The following CNTNAP3B variants were observed in gnomAD, a reference collection of about 807,000 sequenced individuals.
The protein encoded by CNTNAP3B is contactin-associated protein-like 3B.
Under a neutral mutation model 108.9 loss-of-function variants are expected in CNTNAP3B, and 25 were observed. That is an observed-to-expected ratio of 0.23 (90% CI 0.17 to 0.32). The LOEUF (loss-of-function observed/expected upper bound fraction) is 0.32. Among genes scored for constraint, CNTNAP3B ranks in the 10% least tolerant of loss-of-function variants. The probability of loss-of-function intolerance (pLI) is 1.00; values close to 1 mark genes in which losing one functional copy is unlikely to be tolerated. For synonymous variants in CNTNAP3B, 103 were observed against 473.4 expected (o/e 0.22, Z 10.16); for missense variants, 252 against 1,210.4 (o/e 0.21, Z 11.75).
chr9:42,071,612 C>T (rs1339006611), intron 3 of CNTNAP3B, among the ~76,000 whole-genome samples: 1 of 138,568 alleles, frequency 7.2e-6, no homozygotes, highest in Non-Finnish European at 1.5e-5. Flanking sequence ...AAATTGGAAG[C>T]CAGTTGCAAA....
At chr9:41,923,607 CA>C (rs1823726941) in intron 16 of CNTNAP3B, among the ~76,000 whole-genome samples, 1 of 152,288 alleles carries the variant, frequency 6.6e-6, no homozygotes, top group Admixed American at 6.5e-5. Context: ...ACCAAAAATA[CA>C]AAAATTAGCT....
chr9:41,962,809 G>T (rs1235755033), intron 11 of CNTNAP3B, among the ~76,000 whole-genome samples: 1 of 152,164 alleles, frequency 6.6e-6, no homozygotes, highest in East Asian at 1.9e-4. Context: ...CAAAAAATTA[G>T]CCAGGCGTGG....
intron 13 of CNTNAP3B, among the ~76,000 whole-genome samples, chr9:41,942,882 T>C (rs1044704767): frequency 1.3e-5 from 2 of 152,230 alleles, no homozygotes; most frequent in East Asian, 1.9e-4. Flanking sequence ...ACTAACCAGA[T>C]AAACATAAAA....
intron 1 of CNTNAP3B, among the ~76,000 whole-genome samples, chr9:42,111,236 C>T (rs190154143): frequency 6.4e-5 from 9 of 139,724 alleles, no homozygotes; most frequent in African/African-American, 1.4e-4. Context: ...TTGGGACTTT[C>T]GGCTTGAACT....
At chr9:42,128,928 C>T in intron 1 of CNTNAP3B, 82 bp downstream of exon 1, 1 of 1,370,952 alleles carries the variant, frequency 7.3e-7, no homozygotes, top group Non-Finnish European at 9.6e-7. Flanking sequence ...TGCAATTCCA[C>T]TTCCAAATAT....
intron 11 of CNTNAP3B, among the ~76,000 whole-genome samples, 192 bp from the exon 12 acceptor site, chr9:41,961,084 C>T (rs1379773541): frequency 1.3e-5 from 2 of 152,302 alleles, no homozygotes; most frequent in Non-Finnish European, 2.9e-5. Context: ...TTTTTATTAA[C>T]AAAGGAGAAA....
chr9:41,926,511 G>C (rs1198444313), intron 15 of CNTNAP3B: 1 of 152,244 alleles, frequency 6.6e-6, no homozygotes, highest in African/African-American at 2.4e-5. Flanking sequence ...ACCCAGGCTG[G>C]AGTGCAGTGG....
At chr9:41,935,752 A>G (rs1446236303) in intron 14 of CNTNAP3B, among the ~76,000 whole-genome samples, 1 of 152,238 alleles carries the variant, frequency 6.6e-6, no homozygotes, top group Non-Finnish European at 1.5e-5. Flanking sequence ...AAAGCAAATG[A>G]CTCCACAATG....
rs1199181658 is a variant in CNTNAP3B, at chr9:42,119,469, GA to G, written c.85+9540del. Reference sequence around the variant, plus strand: ...ACCAATGACTTTCTTCACAGAATTGGAAAAAACTACTTTAAAGTTCATATGG... The same window carrying G: ...ACCAATGACTTTCTTCACAGAATTGGAAAAACTACTTTAAAGTTCATATGG... On this transcript the variant is annotated intron_variant, in intron 1 of 23. Coordinates refer to ENST00000377561, the MANE Select transcript of CNTNAP3B (RefSeq NM_001201380.3). Among the ~76,000 whole-genome samples the G allele has an allele frequency of 3.0e-4, 39 of 128,000 alleles. 6 individuals carry two copies. The highest frequency in any genetic ancestry group is 5.6e-4 in the Non-Finnish European group (34 of 61,146). The allele number at this position is 128,000 out of a possible 152,430, so 84.0% of individuals were successfully genotyped here.
At chr9:41,934,892 G>A (rs1402917090) in intron 14 of CNTNAP3B, among the ~76,000 whole-genome samples, 1 of 152,280 alleles carries the variant, frequency 6.6e-6, no homozygotes, top group Non-Finnish European at 1.5e-5. Context: ...CTTTTTATTT[G>A]TGGTTACTTT....
At chr9:41,945,867 C>T (rs1414712803) in intron 13 of CNTNAP3B, among the ~76,000 whole-genome samples, 8 of 151,874 alleles carry the variant, frequency 5.3e-5, no homozygotes, top group East Asian at 1.9e-4. Flanking sequence ...TATAAAATAG[C>T]GGGTAGATTT....
intron 13 of CNTNAP3B, among the ~76,000 whole-genome samples, chr9:41,942,363 C>T (rs1381432419): frequency 6.6e-6 from 1 of 152,236 alleles, no homozygotes; most frequent in South Asian, 2.1e-4. Flanking sequence ...GTAATCCCAG[C>T]ATTTTGGGAG....
Position 42,019,956 on chromosome 9 carries a change from TTAAA to T in CNTNAP3B, c.391-6435_391-6432del, listed in dbSNP as rs1344854599. ...TGCACTTATGCATATCTTTAATTAA[TTAAA>T]TATACATAATCATTGAAAAATGAAA... On this transcript the variant is annotated intron_variant, in intron 3 of 23. Transcript: ENST00000377561. 2.4e-5 allele frequency among the ~76,000 whole-genome samples: 3 copies of T among 124,056 alleles called. No individual in the cohort carries two copies. The Admixed American group carries it at 2.5e-4, about 11-fold the overall frequency. 81.4% of individuals were successfully genotyped at this position (124,056 alleles called of 152,430 possible).
At chr9:41,934,112 T>TATATATATATATATATATATAC (rs1206776352) in intron 14 of CNTNAP3B, among the ~76,000 whole-genome samples, 19 of 126,328 alleles carry the variant, frequency 1.5e-4, no homozygotes, top group African/African-American at 5.7e-4. Flanking sequence ...TATATATATA[T>TATATATATATATATATATATAC]ATATATATAT....
rs1324212923 is a variant in CNTNAP3B at position 42,098,445 on chromosome 9, T to G, written c.196+6184A>C. On this transcript the variant is annotated intron_variant, in intron 2 of 23. Coordinates refer to ENST00000377561, the MANE Select transcript of CNTNAP3B (RefSeq NM_001201380.3). ...AAAAAAAAAAAAAATTAGCCGGGCA[T>G]GGTGGTGGGTGCCTGTAGTCCCAGC... 1.8e-5 allele frequency among the ~76,000 whole-genome samples: 2 copies of G among 109,820 alleles called. 1 individual carries two copies. Among genetic ancestry groups the G allele is most frequent in the Non-Finnish European group, 3.7e-5 (2 of 53,968 alleles). 72.0% of individuals were successfully genotyped at this position (109,820 alleles called of 152,430 possible). A position where few individuals can be genotyped will look rare whatever the true frequency, so the allele number is the denominator to read the frequency against.
At position 42,044,854 on chromosome 9, in the gene CNTNAP3B, A is replaced by T. The variant is rs536874256; in HGVS notation, c.391-31329T>A. 9.2e-4 allele frequency among the ~76,000 whole-genome samples: 113 copies of T among 123,042 alleles called. 25 individuals carry two copies. Among genetic ancestry groups the T allele is most frequent in the African/African-American group, 3.6e-3 (112 of 30,968 alleles). 80.7% of individuals were successfully genotyped at this position (123,042 alleles called of 152,430 possible). Reference sequence around the variant, plus strand: ...GCTCTCTCCTCCAAGTACATTTCAGAGAAAAATCCTGAGCAATATAAAACC... The same window carrying T: ...GCTCTCTCCTCCAAGTACATTTCAGTGAAAAATCCTGAGCAATATAAAACC... On this transcript the variant is annotated intron_variant, in intron 3 of 23. Transcript: ENST00000377561.
chr9:41,958,217 C>G (rs1824931973), intron 12 of CNTNAP3B, among the ~76,000 whole-genome samples: 1 of 152,078 alleles, frequency 6.6e-6, no homozygotes, highest in South Asian at 2.1e-4. Flanking sequence ...AAGCGATCCT[C>G]CCACCTCAGC....
In CNTNAP3B at chr9:41,979,014, C is replaced by T. The variant is rs1421957397; in HGVS notation, c.1477+7154G>A. ...CAGCAGTGGGTGGTAAGGTCTGGGTCGGGTTCATCCCCAGGTGGGATGTGG... is the reference window on the plus strand; with the variant it reads ...CAGCAGTGGGTGGTAAGGTCTGGGTTGGGTTCATCCCCAGGTGGGATGTGG... On this transcript the variant is annotated intron_variant, in intron 9 of 23. Coordinates refer to ENST00000377561, the MANE Select transcript of CNTNAP3B (RefSeq NM_001201380.3). Among the ~76,000 whole-genome samples, 13 of 139,584 alleles carry T rather than the reference C, an allele frequency of 9.3e-5. 1 individual carries two copies. Among genetic ancestry groups the T allele is most frequent in the Non-Finnish European group, 1.4e-4 (9 of 64,994 alleles). The allele number at this position is 139,584 out of a possible 152,430, so 91.6% of individuals were successfully genotyped here. A position where few individuals can be genotyped will look rare whatever the true frequency, so the allele number is the denominator to read the frequency against.
intron 3 of CNTNAP3B, among the ~76,000 whole-genome samples, chr9:42,019,730 C>A: frequency 6.9e-6 from 1 of 145,184 alleles, no homozygotes. Flanking sequence ...CACTGCACTC[C>A]AGCCTTGGTG....
Sources: gnomAD v4.1 joint callset for allele counts (sites outside exome capture counted in the v4.1 genomes callset) on GRCh38, gnomAD v4.1.1 for gene constraint, MANE v1.5 for transcripts, NCBI Gene and HGNC (gene_info 2026-07-23, HGNC 2026-07-21) for gene names.